MYT1L: variants seen among roughly 807,000 people sequenced by gnomAD.
MYT1L encodes the protein myelin transcription factor 1 like.
MYT1L carries 12 observed loss-of-function variants against 126.7 expected under a neutral mutation model. The observed-to-expected ratio is 0.09, with a 90% CI of 0.06 to 0.15. The LOEUF (loss-of-function observed/expected upper bound fraction) is 0.15. MYT1L is among the 10% of genes least tolerant of loss of function. The probability of loss-of-function intolerance (pLI) is 1.00; values close to 1 mark genes in which losing one functional copy is unlikely to be tolerated. For missense variants in MYT1L, 979 were observed against 1,585.2 expected (o/e 0.62, Z 6.49); for synonymous variants, 541 against 604.2 (o/e 0.90, Z 1.53).
At position 1,790,278 on chromosome 2, in the gene MYT1L, G is replaced by T. The variant is rs757299989; in HGVS notation, c.*1589C>A. ...ATTTCATAACAAAAATTTAAAGTACGTCTGTACTTCCTGCATAACATCAAG... is the reference window on the plus strand; with the variant it reads ...ATTTCATAACAAAAATTTAAAGTACTTCTGTACTTCCTGCATAACATCAAG... On this transcript the variant is annotated 3_prime_UTR_variant, in exon 25 of 25. Transcript: ENST00000647738. 6.6e-6 allele frequency: 1 copy of T among 151,710 alleles called. No homozygotes were observed. Among genetic ancestry groups the T allele is most frequent in the Non-Finnish European group, 1.5e-5 (1 of 68,000 alleles). The allele number at this position is 151,710 out of a possible 1,614,324, so 9.4% of individuals were successfully genotyped here.
chr2:1,938,158 T>C (rs928372978), intron 9 of MYT1L, among the ~76,000 whole-genome samples: 1 of 152,246 alleles, frequency 6.6e-6, no homozygotes, highest in African/African-American at 2.4e-5. Flanking sequence ...TGCTGATTCC[T>C]GTCTAAGGGA....
rs1266128961 is a variant in MYT1L, at chr2:1,840,848, A to G, written c.2775-5T>C. ...GCTCTTGGGCAACCTGAAAGGCTAA[A>G]TAAGAAACACATTTCAGAAAGCACC... On this transcript the variant is annotated splice_region_variant and splice_polypyrimidine_tract_variant and intron_variant, in intron 19 of 24. Transcript: ENST00000647738. 5 of 1,544,078 alleles carry G rather than the reference A, an allele frequency of 3.2e-6. No individual in the cohort carries two copies. The highest frequency in any genetic ancestry group is 3.9e-5 in the Admixed American group (2 of 50,944).
intron 5 of MYT1L, among the ~76,000 whole-genome samples, chr2:1,990,179 G>A (rs2061355833): frequency 6.6e-6 from 1 of 152,236 alleles, no homozygotes; most frequent in Admixed American, 6.5e-5. Flanking sequence ...TGATCTAGGA[G>A]GTGTAGCTGA....
intron 1 of MYT1L, among the ~76,000 whole-genome samples, chr2:2,317,029 G>C (rs2096076651): frequency 6.6e-6 from 1 of 151,656 alleles, no homozygotes; most frequent in South Asian, 2.1e-4. Context: ...GTGTTAGCCA[G>C]GATGGCCTCC....
chr2:2,313,444 G>A (rs1424489389), intron 1 of MYT1L, among the ~76,000 whole-genome samples: 1 of 152,050 alleles, frequency 6.6e-6, no homozygotes, highest in Non-Finnish European at 1.5e-5. Flanking sequence ...ATTTAAGTGG[G>A]ATCTGAAAGC....
rs74768906 is a variant in MYT1L at position 2,101,679 on chromosome 2, T to C, written c.-303-47556A>G. ...ATCCACCCATCCACTCATCCACCAATTCATCCATTCATCCATCCATCCATT... is the reference window on the plus strand; with the variant it reads ...ATCCACCCATCCACTCATCCACCAACTCATCCATTCATCCATCCATCCATT... On this transcript the variant is annotated intron_variant, in intron 3 of 24. Coordinates refer to ENST00000647738, the MANE Select transcript of MYT1L (RefSeq NM_001303052.2). 8.6e-3 allele frequency among the ~76,000 whole-genome samples: 1,303 copies of C among 151,980 alleles called. 21 individuals carry two copies. Among genetic ancestry groups the C allele is most frequent in the African/African-American group, 0.026 (1,088 of 41,448 alleles).
At chr2:2,290,859 C>T (rs1271556550) in intron 1 of MYT1L, among the ~76,000 whole-genome samples, 1 of 152,064 alleles carries the variant, frequency 6.6e-6, no homozygotes, top group Non-Finnish European at 1.5e-5. Flanking sequence ...AACACTGGCT[C>T]AAAAGAAATC....
intron 3 of MYT1L, among the ~76,000 whole-genome samples, chr2:2,081,465 G>A (rs951636969): frequency 1.2e-4 from 19 of 152,198 alleles, no homozygotes; most frequent in Non-Finnish European, 2.4e-4. Context: ...AAGGGACTCA[G>A]CATGGTGGAA....
At chr2:1,921,759 C>T (rs1463815097) in intron 10 of MYT1L, among the ~76,000 whole-genome samples, 2 of 152,142 alleles carry the variant, frequency 1.3e-5, no homozygotes, top group Non-Finnish European at 2.9e-5. Context: ...CTTATGTTAT[C>T]GGTCATTCAG....
chr2:2,196,161 A>G (rs2092790029), intron 2 of MYT1L, among the ~76,000 whole-genome samples: 1 of 152,070 alleles, frequency 6.6e-6, no homozygotes, highest in Non-Finnish European at 1.5e-5. Context: ...GCAGTTACTG[A>G]CAGCTCATTT....
chr2:1,962,302 A>G (rs1262398355), intron 8 of MYT1L, among the ~76,000 whole-genome samples: 1 of 152,268 alleles, frequency 6.6e-6, no homozygotes. Flanking sequence ...TAAATATTTG[A>G]CAAAAAGTTA....
At chr2:1,947,260 C>CTCCTT (rs1158574322) in intron 8 of MYT1L, among the ~76,000 whole-genome samples, 1 of 152,216 alleles carries the variant, frequency 6.6e-6, no homozygotes, top group East Asian at 1.9e-4. Flanking sequence ...CACAGCCGCC[C>CTCCTT]TCCTTTTCAA....
intron 2 of MYT1L, among the ~76,000 whole-genome samples, chr2:2,198,559 A>G (rs1180298859): frequency 1.3e-5 from 2 of 152,190 alleles, no homozygotes; most frequent in East Asian, 3.8e-4. Context: ...ACCACGTGTC[A>G]ATTAGAAATG....
intron 3 of MYT1L, among the ~76,000 whole-genome samples, chr2:2,072,882 G>T (rs2074771697): frequency 6.6e-6 from 1 of 152,196 alleles, no homozygotes; most frequent in South Asian, 2.1e-4. Context: ...GTGGAACTGA[G>T]TCAATTAAAC....
At chr2:1,838,738 T>C (rs2041236733) in intron 21 of MYT1L, among the ~76,000 whole-genome samples, 2 of 152,354 alleles carry the variant, frequency 1.3e-5, no homozygotes, top group Admixed American at 1.3e-4. Flanking sequence ...CATGCATCTT[T>C]GGTGCAGGCA....
intron 1 of MYT1L, among the ~76,000 whole-genome samples, chr2:2,286,850 G>A (rs73179794): frequency 2.8e-4 from 43 of 152,278 alleles, no homozygotes; most frequent in African/African-American, 9.6e-4. Context: ...GGAAGGGTGC[G>A]CGAAATCACG....
At chr2:2,012,874 G>C (rs2063971988) in intron 4 of MYT1L, among the ~76,000 whole-genome samples, 1 of 152,188 alleles carries the variant, frequency 6.6e-6, no homozygotes, top group Admixed American at 6.5e-5. Context: ...CCAGGTGATA[G>C]AGCACCGAGG....
At chr2:2,011,165 G>T (rs946620090) in intron 4 of MYT1L, among the ~76,000 whole-genome samples, 1 of 152,190 alleles carries the variant, frequency 6.6e-6, no homozygotes, top group Non-Finnish European at 1.5e-5. Context: ...AAGGCGGGTG[G>T]ATCACTTGAG....
intron 8 of MYT1L, among the ~76,000 whole-genome samples, chr2:1,966,578 GAC>G (rs1418827014): frequency 6.6e-6 from 1 of 152,038 alleles, no homozygotes; most frequent in Non-Finnish European, 1.5e-5. Flanking sequence ...GAAACGAAAA[GAC>G]ACAAACATTG....
Sources: allele counts gnomAD v4.1 joint callset (sites outside exome capture counted in the v4.1 genomes callset), GRCh38; gene constraint gnomAD v4.1.1; transcripts MANE v1.5; gene names NCBI Gene and HGNC (gene_info 2026-07-23, HGNC 2026-07-21).